Variants in ULK4 observed in about 807,000 individuals in gnomAD.
ULK4 encodes the protein unc-51 like kinase 4.
ULK4 carries 133 observed loss-of-function variants against 160.6 expected under a neutral mutation model. The ratio of observed to expected loss-of-function variants is 0.83; its 90% CI spans 0.72 to 0.96. ULK4 has a LOEUF of 0.96. ULK4 is among the 40% of genes least tolerant of loss of function. ULK4 has a pLI of 0.00. For missense variants in ULK4, 1,580 were observed against 1,499.5 expected (o/e 1.05, Z -0.89); for synonymous variants, 534 against 539.8 (o/e 0.99, Z 0.15).
At chr3:41,860,659 G>A (rs1293388606) in intron 17 of ULK4, among the ~76,000 whole-genome samples, 3 of 152,060 alleles carry the variant, frequency 2.0e-5, no homozygotes, top group Non-Finnish European at 4.4e-5. Context: ...AATGGGTCTT[G>A]TTTTTTCATC....
chr3:41,462,921 T>C (rs1249632746), intron 33 of ULK4, among the ~76,000 whole-genome samples, 166 bp downstream of exon 33: 2 of 152,180 alleles, frequency 1.3e-5, no homozygotes, highest in East Asian at 3.9e-4. Flanking sequence ...TCTCTGTTCT[T>C]GACATTGGTC....
At chr3:41,826,592 T>G (rs1426129967) in intron 18 of ULK4, among the ~76,000 whole-genome samples, 1 of 145,934 alleles carries the variant, frequency 6.9e-6, no homozygotes, top group African/African-American at 2.7e-5. Context: ...AGGGATCAAT[T>G]CAACAAGAAG....
chr3:41,480,033 T>C (rs1341427854), intron 32 of ULK4, among the ~76,000 whole-genome samples: 1 of 151,756 alleles, frequency 6.6e-6, no homozygotes, highest in Non-Finnish European at 1.5e-5. Flanking sequence ...CGATGAAACC[T>C]TGTCTCTACT....
intron 30 of ULK4, among the ~76,000 whole-genome samples, chr3:41,649,690 G>A (rs1428316317): frequency 6.6e-6 from 1 of 152,220 alleles, no homozygotes; most frequent in Non-Finnish European, 1.5e-5. Context: ...TGCTGAGGGT[G>A]GCTTGGCACA....
chr3:41,891,483 G>C (rs1340154436), intron 16 of ULK4, among the ~76,000 whole-genome samples: 2 of 145,520 alleles, frequency 1.4e-5, no homozygotes, highest in Non-Finnish European at 3.0e-5. Flanking sequence ...ACACAGAAGA[G>C]GGAAAAAAAA....
At chr3:41,562,554 G>A (rs772021308) in intron 32 of ULK4, among the ~76,000 whole-genome samples, 104 of 152,176 alleles carry the variant, frequency 6.8e-4, no homozygotes, top group Non-Finnish European at 9.0e-4. Context: ...ACTGTATTAG[G>A]TGCATATATA....
intron 32 of ULK4, among the ~76,000 whole-genome samples, chr3:41,464,574 T>C (rs993198837): frequency 1.3e-5 from 2 of 152,210 alleles, no homozygotes; most frequent in African/African-American, 4.8e-5. Context: ...GGCATTCTCC[T>C]TAGAGTTACA....
chr3:41,506,767 A>AAAAAAAAAATATATATATATATAT, intron 32 of ULK4, among the ~76,000 whole-genome samples: 1 of 56,766 alleles, frequency 1.8e-5, no homozygotes, highest in Non-Finnish European at 3.1e-5. Flanking sequence ...TGTGATTTAA[A>AAAAAAAAAATATATATATATATAT]ATATATATAT....
chr3:41,845,170 T>A (rs1489667932), intron 17 of ULK4, among the ~76,000 whole-genome samples: 1 of 152,192 alleles, frequency 6.6e-6, no homozygotes, highest in Non-Finnish European at 1.5e-5. Context: ...TTTCACCGTG[T>A]TAGCCAGGAT....
intron 27 of ULK4, among the ~76,000 whole-genome samples, chr3:41,690,514 C>G (rs1156708925): frequency 6.6e-6 from 1 of 151,526 alleles, no homozygotes; most frequent in African/African-American, 2.4e-5. Flanking sequence ...CCTTCACAAG[C>G]TCTGGGCTCC....
At chr3:41,580,695 T>A (rs1209785563) in intron 31 of ULK4, among the ~76,000 whole-genome samples, 1 of 152,132 alleles carries the variant, frequency 6.6e-6, no homozygotes, top group Non-Finnish European at 1.5e-5. Context: ...TCACTGTGCA[T>A]CAGCTGCCTC....
chr3:41,263,505 CAAGGT>C (rs1406221721), intron 35 of ULK4, among the ~76,000 whole-genome samples: 10 of 152,110 alleles, frequency 6.6e-5, no homozygotes, highest in Admixed American at 5.9e-4. Flanking sequence ...CCTCACTCGA[CAAGGT>C]AAGGATACTA....
intron 32 of ULK4, among the ~76,000 whole-genome samples, chr3:41,530,832 C>T (rs541087789): frequency 9.2e-5 from 14 of 152,136 alleles, no homozygotes; most frequent in Admixed American, 3.9e-4. Context: ...GGCATGATCT[C>T]GGCTCACTGC....
chr3:41,491,869 T>C (rs566904630), intron 32 of ULK4, among the ~76,000 whole-genome samples: 96 of 151,548 alleles, frequency 6.3e-4, no homozygotes, highest in African/African-American at 2.1e-3. Context: ...CTTCTAATGC[T>C]ATCCCTCCCG....
intron 22 of ULK4, among the ~76,000 whole-genome samples, chr3:41,734,530 T>C (rs1327769737): frequency 6.6e-6 from 1 of 152,126 alleles, no homozygotes; most frequent in Non-Finnish European, 1.5e-5. Flanking sequence ...TAGGTAGTGT[T>C]TGAAGCCACA....
chr3:41,907,024 C>T (rs571136671), intron 12 of ULK4, among the ~76,000 whole-genome samples: 41 of 152,026 alleles, frequency 2.7e-4, no homozygotes, highest in Non-Finnish European at 5.4e-4. Flanking sequence ...ATAACATATA[C>T]TAAGTGGAAA....
rs575152330 is a variant in ULK4, at chr3:41,418,349, G to C, written c.3493-20085C>G. Among the ~76,000 whole-genome samples the C allele has an allele frequency of 2.6e-4, 37 of 144,488 alleles. 1 individual carries two copies. Among genetic ancestry groups the C allele is most frequent in the African/African-American group, 2.8e-4 (11 of 39,168 alleles). 94.8% of individuals were successfully genotyped at this position (144,488 alleles called of 152,430 possible). A position where few individuals can be genotyped will look rare whatever the true frequency, so the allele number is the denominator to read the frequency against. ...CTTTTTTTCTTAATTTGGCGGGGGG[G>C]GGGGCACGTTTCTAAGCTACACAGT... is the stretch of plus-strand genomic sequence containing the variant. On this transcript the variant is annotated intron_variant, in intron 34 of 36. Transcript: ENST00000301831.
intron 30 of ULK4, among the ~76,000 whole-genome samples, chr3:41,644,259 C>T (rs2034374301): frequency 6.6e-6 from 1 of 151,850 alleles, no homozygotes; most frequent in African/African-American, 2.4e-5. Flanking sequence ...GAGGGCATCC[C>T]TGTCTTGTGC....
intron 18 of ULK4, among the ~76,000 whole-genome samples, chr3:41,825,270 G>C (rs1188828784): frequency 6.6e-6 from 1 of 152,218 alleles, no homozygotes; most frequent in Non-Finnish European, 1.5e-5. Flanking sequence ...CTCCTCCAAA[G>C]GAATGCAGCT....
Sources: allele counts gnomAD v4.1 joint callset (sites outside exome capture counted in the v4.1 genomes callset), GRCh38; gene constraint gnomAD v4.1.1; transcripts MANE v1.5; gene names NCBI Gene and HGNC (gene_info 2026-07-23, HGNC 2026-07-21).